The following KCNB2 variants were observed in gnomAD, a reference collection of about 807,000 sequenced individuals.
KCNB2 encodes the protein potassium voltage-gated channel subfamily B member 2, also known as delayed rectifier potassium channel protein.
Under a neutral mutation model 61.5 loss-of-function variants are expected in KCNB2, and 15 were observed. That is an observed-to-expected ratio of 0.24 (90% CI 0.16 to 0.38). KCNB2 has a LOEUF of 0.38. Ranked by LOEUF, KCNB2 falls within the 10% of genes least tolerant of loss-of-function variation. The pLI is 1.00. For synonymous variants in KCNB2, 457 were observed against 446.0 expected, an observed-to-expected ratio of 1.02 and a Z score of -0.31; for missense variants, 828 against 1,125.2, an observed-to-expected ratio of 0.74 and a Z score of 3.78.
chr8:72,799,716 C>A (rs1286600236), intron 2 of KCNB2, among the ~76,000 whole-genome samples: 1 of 152,104 alleles, frequency 6.6e-6, no homozygotes, highest in Non-Finnish European at 1.5e-5. Flanking sequence ...TCAGTACCTG[C>A]AGGCTCTGTA....
At chr8:72,712,544 T>A (rs114433000) in intron 2 of KCNB2, among the ~76,000 whole-genome samples, 1 of 152,248 alleles carries the variant, frequency 6.6e-6, no homozygotes, top group Non-Finnish European at 1.5e-5. Context: ...TGGATGCTTA[T>A]TAAATGCCAC....
intron 2 of KCNB2, among the ~76,000 whole-genome samples, chr8:72,709,703 C>T (rs1807293691): frequency 6.6e-6 from 1 of 152,058 alleles, no homozygotes. Context: ...AGTCACCTCC[C>T]ACCAGGCCCC....
intron 2 of KCNB2, among the ~76,000 whole-genome samples, chr8:72,873,589 G>T (rs1204774308): frequency 1.3e-5 from 2 of 152,208 alleles, no homozygotes; most frequent in Non-Finnish European, 2.9e-5. Flanking sequence ...GCCTCTGGCG[G>T]GGCCAAGCTG....
intron 2 of KCNB2, among the ~76,000 whole-genome samples, chr8:72,758,449 G>A (rs758528498): frequency 2.0e-5 from 3 of 152,186 alleles, no homozygotes; most frequent in Non-Finnish European, 4.4e-5. Flanking sequence ...CAAAACAAAT[G>A]TGTATAAACA....
chr8:72,666,297 G>T (rs1268695227), intron 2 of KCNB2, among the ~76,000 whole-genome samples: 1 of 151,862 alleles, frequency 6.6e-6, no homozygotes, highest in Non-Finnish European at 1.5e-5. Flanking sequence ...CTACATTTTC[G>T]ATCCCTTTTT....
At chr8:72,659,321 G>A (rs1806343422) in intron 2 of KCNB2, among the ~76,000 whole-genome samples, 1 of 152,232 alleles carries the variant, frequency 6.6e-6, no homozygotes, top group African/African-American at 2.4e-5. Flanking sequence ...CTAAAGATGT[G>A]ACTGAATTGC....
At chr8:72,715,037 A>G (rs1807403674) in intron 2 of KCNB2, among the ~76,000 whole-genome samples, 1 of 152,202 alleles carries the variant, frequency 6.6e-6, no homozygotes, top group Non-Finnish European at 1.5e-5. Context: ...CAGACTTTAA[A>G]CCAACAAAGA....
intron 1 of KCNB2, among the ~76,000 whole-genome samples, chr8:72,557,056 T>A (rs560333710): frequency 6.6e-5 from 10 of 152,242 alleles, no homozygotes; most frequent in African/African-American, 2.2e-4. Context: ...CCTGCTCTCA[T>A]GACCTAATCA....
chr8:72,647,799 T>A (rs1806153887), intron 2 of KCNB2, among the ~76,000 whole-genome samples: 1 of 152,146 alleles, frequency 6.6e-6, no homozygotes, highest in African/African-American at 2.4e-5. Flanking sequence ...ATTATCTAAG[T>A]TAGGATTCTG....
intron 2 of KCNB2, among the ~76,000 whole-genome samples, chr8:72,816,561 T>C (rs1341957587): frequency 2.0e-5 from 3 of 152,222 alleles, no homozygotes; most frequent in Non-Finnish European, 2.9e-5. Context: ...TGGTAATATG[T>C]CTCTGAAACA....
At chr8:72,655,094 A>G (rs549180115) in intron 2 of KCNB2, among the ~76,000 whole-genome samples, 1 of 152,326 alleles carries the variant, frequency 6.6e-6, no homozygotes, top group Admixed American at 6.5e-5. Flanking sequence ...GTACATACAC[A>G]TCAAAGAATA....
chr8:72,922,143 G>C (rs973023040), intron 2 of KCNB2, among the ~76,000 whole-genome samples: 1 of 152,136 alleles, frequency 6.6e-6, no homozygotes, highest in African/African-American at 2.4e-5. Flanking sequence ...TTTGCTGGTT[G>C]CTGACAATCC....
intron 2 of KCNB2, among the ~76,000 whole-genome samples, chr8:72,581,845 T>C (rs1806903104): frequency 6.6e-6 from 1 of 152,244 alleles, no homozygotes; most frequent in Admixed American, 6.5e-5. Flanking sequence ...TGCTTTGCTT[T>C]GCTAGGGTTG....
rs1805462669 is a variant in KCNB2 at position 72,607,103 on chromosome 8, A to G, written c.579+38790A>G. 2.0e-5 allele frequency among the ~76,000 whole-genome samples: 3 copies of G among 152,202 alleles called. No homozygotes were observed. In the South Asian group the frequency reaches 6.2e-4, roughly 32 times the overall value. On this transcript the variant is annotated intron_variant, in intron 2 of 2. Coordinates refer to ENST00000523207, the MANE Select transcript of KCNB2 (RefSeq NM_004770.3). Reference sequence around the variant, plus strand: ...GGTGAAGAACTGGGTACCTGCCTCAAAAATGGGCCGATGTCTCCTGGGTTC... The same window carrying G: ...GGTGAAGAACTGGGTACCTGCCTCAGAAATGGGCCGATGTCTCCTGGGTTC...
rs114948750 is a variant in KCNB2, at chr8:72,749,092, T to C, written c.579+180779T>C. 2.2e-3 allele frequency among the ~76,000 whole-genome samples: 330 copies of C among 152,278 alleles called. 2 individuals are homozygous for C. Among genetic ancestry groups the C allele is most frequent in the African/African-American group, 7.4e-3 (309 of 41,574 alleles). The stretch of plus-strand genomic sequence containing the variant: ...TCTTTTCTAGTCCACTCATAGATTC[T>C]ACTCTGACCAATCATTTTCGTTTTC... On this transcript the variant is annotated intron_variant, in intron 2 of 2. Transcript: ENST00000523207.
chr8:72,841,098 G>A (rs1809876152), intron 2 of KCNB2, among the ~76,000 whole-genome samples: 2 of 152,114 alleles, frequency 1.3e-5, no homozygotes, highest in Admixed American at 1.3e-4. Context: ...TAAGGAAAGG[G>A]TCTAGCTTCT....
At chr8:72,752,484 C>A (rs563302642) in intron 2 of KCNB2, among the ~76,000 whole-genome samples, 2 of 152,218 alleles carry the variant, frequency 1.3e-5, no homozygotes, top group Non-Finnish European at 2.9e-5. Context: ...CTTCTTTTCT[C>A]CCTCACTGCT....
chr8:72,653,688 C>T (rs979253093), intron 2 of KCNB2, among the ~76,000 whole-genome samples: 2 of 152,094 alleles, frequency 1.3e-5, no homozygotes, highest in Admixed American at 6.6e-5. Context: ...TACATATCAT[C>T]TATGGCTGCT....
At chr8:72,728,148 C>T (rs1807682809) in intron 2 of KCNB2, among the ~76,000 whole-genome samples, 1 of 152,262 alleles carries the variant, frequency 6.6e-6, no homozygotes, top group South Asian at 2.1e-4. Flanking sequence ...CCAGGGCTTC[C>T]AGAAATGTCC....
Sources: gnomAD v4.1 joint callset for allele counts (sites outside exome capture counted in the v4.1 genomes callset) on GRCh38, gnomAD v4.1.1 for gene constraint, MANE v1.5 for transcripts, NCBI Gene and HGNC (gene_info 2026-07-23, HGNC 2026-07-21) for gene names.